The following RBMS2 variants were observed in gnomAD, a reference collection of about 807,000 sequenced individuals.
RBMS2 encodes RNA-binding motif, single-stranded-interacting protein 2.
RBMS2 carries 38 observed loss-of-function variants against 58.4 expected under a neutral mutation model. The ratio of observed to expected loss-of-function variants is 0.65; its 90% CI spans 0.50 to 0.85. The LOEUF (loss-of-function observed/expected upper bound fraction) is 0.85. Among genes scored for constraint, RBMS2 ranks in the 40% least tolerant of loss-of-function variants. The pLI is 0.00. For missense variants in RBMS2, 367 were observed against 503.7 expected, an observed-to-expected ratio of 0.73 and a Z score of 2.60; for synonymous variants, 151 against 180.7, an observed-to-expected ratio of 0.84 and a Z score of 1.32.
upstream of RBMS2, among the ~76,000 whole-genome samples, chr12:56,520,950 GATA>G (rs1429179626): frequency 2.0e-5 from 3 of 152,192 alleles, no homozygotes; most frequent in African/African-American, 7.2e-5. Context: ...AGTCCAGTCT[GATA>G]ATTCCTTCTT....
chr12:56,577,933 C>T (rs911740393), intron 5 of RBMS2, among the ~76,000 whole-genome samples: 1 of 151,758 alleles, frequency 6.6e-6, no homozygotes, highest in African/African-American at 2.4e-5. Context: ...GGCAATCCAC[C>T]TGCCTCGGCC....
intron 5 of RBMS2, among the ~76,000 whole-genome samples, chr12:56,572,578 A>G (rs1385618234): frequency 6.6e-6 from 1 of 152,166 alleles, no homozygotes; most frequent in Non-Finnish European, 1.5e-5. Flanking sequence ...GTATATTCTT[A>G]TAGTTTACTG....
At chr12:56,581,360 G>T in intron 6 of RBMS2, 39 bp from the exon 7 acceptor site, 1 of 1,603,122 alleles carries the variant, frequency 6.2e-7, no homozygotes. Context: ...GGCCACATGA[G>T]GTGGGACTCA....
chr12:56,561,125 C>A (rs1019991437), intron 1 of RBMS2, among the ~76,000 whole-genome samples: 2 of 152,156 alleles, frequency 1.3e-5, no homozygotes, highest in African/African-American at 4.8e-5. Context: ...CGTAGTATTC[C>A]ATGTGTATAT....
chr12:56,575,143 C>G (rs565330554), intron 5 of RBMS2, among the ~76,000 whole-genome samples: 6 of 151,874 alleles, frequency 4.0e-5, no homozygotes, highest in African/African-American at 1.4e-4. Flanking sequence ...GCACTTCAGC[C>G]TGGGCAACAG....
intron 1 of RBMS2, among the ~76,000 whole-genome samples, chr12:56,539,208 G>A (rs1406136713): frequency 6.6e-6 from 1 of 151,954 alleles, no homozygotes; most frequent in African/African-American, 2.4e-5. Context: ...GTAGAGATGA[G>A]GTTTCACCAT....
chr12:56,566,865 A>G (rs1258720100), intron 2 of RBMS2, among the ~76,000 whole-genome samples: 2 of 152,228 alleles, frequency 1.3e-5, no homozygotes, highest in Admixed American at 6.5e-5. Flanking sequence ...TAAAATGAAT[A>G]TGTGTCAAAG....
chr12:56,570,736 T>C (rs1882159118), intron 4 of RBMS2, among the ~76,000 whole-genome samples: 1 of 152,014 alleles, frequency 6.6e-6, no homozygotes, highest in African/African-American at 2.4e-5. Context: ...CGCCATCACC[T>C]CCAGCTAATT....
Position 56,579,492 on chromosome 12 carries a change from G to A in RBMS2, c.543-1692G>A, listed in dbSNP as rs550669221. On this transcript the variant is annotated intron_variant, in intron 5 of 13. Transcript: ENST00000262031. The stretch of plus-strand genomic sequence containing the variant: ...AAAAATACCAAAAAAAATTAGCCGG[G>A]TGTGGTGGCGGGCACCTGTAGTCCC... 2.6e-5 allele frequency among the ~76,000 whole-genome samples: 4 copies of A among 152,082 alleles called. No homozygotes were observed. In the East Asian group the frequency reaches 5.8e-4, roughly 22 times the overall value.
chr12:56,537,208 G>A (rs36073309), intron 1 of RBMS2, among the ~76,000 whole-genome samples: 49,091 of 151,834 alleles, frequency 0.32, 8,098 homozygotes, highest in South Asian at 0.49. Flanking sequence ...GGCGTGAGGC[G>A]CCCACCTTGC....
At chr12:56,566,733 G>T (rs985186561) in intron 2 of RBMS2, among the ~76,000 whole-genome samples, 1 of 152,166 alleles carries the variant, frequency 6.6e-6, no homozygotes, top group African/African-American at 2.4e-5. Context: ...CAGGAGAATC[G>T]CTTGAACCCG....
intron 4 of RBMS2, among the ~76,000 whole-genome samples, chr12:56,570,673 C>G (rs1370202716): frequency 6.6e-6 from 1 of 152,162 alleles, no homozygotes; most frequent in Non-Finnish European, 1.5e-5. Context: ...CACCTCCCGG[C>G]TTCACGCCAT....
At chr12:56,536,060 G>A (rs7132918) in intron 1 of RBMS2, among the ~76,000 whole-genome samples, 67,830 of 151,218 alleles carry the variant, frequency 0.45, 16,005 homozygotes, top group East Asian at 0.6. Flanking sequence ...AATTAGCTGG[G>A]CGTGGTGGCG....
intron 5 of RBMS2, among the ~76,000 whole-genome samples, chr12:56,576,553 A>G (rs1883160243): frequency 6.6e-6 from 1 of 152,222 alleles, no homozygotes; most frequent in East Asian, 1.9e-4. Context: ...AGGGGGGACT[A>G]CTAGAGTCAT....
chr12:56,528,317 T>C (rs1369854802), intron 1 of RBMS2, among the ~76,000 whole-genome samples: 1 of 151,226 alleles, frequency 6.6e-6, no homozygotes, highest in East Asian at 1.9e-4. Context: ...GATTGAAGAA[T>C]AGTCTTTGAA....
At chr12:56,584,051 T>G (rs1025140852) in intron 9 of RBMS2, among the ~76,000 whole-genome samples, 1 of 152,236 alleles carries the variant, frequency 6.6e-6, no homozygotes, top group South Asian at 2.1e-4. Context: ...AGAATTTGCA[T>G]GTCCAACAAG....
chr12:56,589,510 T>C lies in RBMS2; in HGVS notation c.*377T>C, dbSNP rs961192493. The stretch of plus-strand genomic sequence containing the variant: ...GAAAAAGTTTTCGATGTATTGGAAT[T>C]ATTTGGGAATGCTTTTAAAACAATT... On this transcript the variant is annotated 3_prime_UTR_variant, in exon 14 of 14. Coordinates refer to ENST00000262031, the MANE Select transcript of RBMS2 (RefSeq NM_002898.4). The C allele has an allele frequency of 3.4e-5, 8 of 234,378 alleles. No homozygotes were observed. Among genetic ancestry groups the C allele is most frequent in the Non-Finnish European group, 6.7e-5 (8 of 119,038 alleles). 14.5% of individuals were successfully genotyped at this position (234,378 alleles called of 1,614,324 possible). A position where few individuals can be genotyped will look rare whatever the true frequency, so the allele number is the denominator to read the frequency against.
chr12:56,545,720 T>TAAGAA (rs1401895337), intron 1 of RBMS2, among the ~76,000 whole-genome samples: 8 of 152,310 alleles, frequency 5.3e-5, no homozygotes, highest in Non-Finnish European at 1.0e-4. Context: ...CTTTGCATAA[T>TAAGAA]GTTATTGGGC....
At chr12:56,576,396 G>A (rs1463221569) in intron 5 of RBMS2, among the ~76,000 whole-genome samples, 2 of 152,050 alleles carry the variant, frequency 1.3e-5, no homozygotes, top group African/African-American at 2.4e-5. Context: ...TTTGTCCAAA[G>A]TATCCACACT....
Sources: gnomAD v4.1 joint callset for allele counts (sites outside exome capture counted in the v4.1 genomes callset) on GRCh38, gnomAD v4.1.1 for gene constraint, MANE v1.5 for transcripts, NCBI Gene and HGNC (gene_info 2026-07-23, HGNC 2026-07-21) for gene names.